The following FARP2 variants were observed in gnomAD, a reference collection of about 807,000 sequenced individuals.
FARP2 encodes FERM, ARHGEF and pleckstrin domain-containing protein 2.
FARP2 carries 111 observed loss-of-function variants against 130.5 expected under a neutral mutation model. The observed-to-expected ratio is 0.85, with a 90% confidence interval of 0.73 to 1.00. FARP2 has a LOEUF of 1.00. Among genes scored for constraint, FARP2 ranks in the 50% least tolerant of loss-of-function variants. The pLI is 0.00. For missense variants in FARP2, 1,385 were observed against 1,346.3 expected, an observed-to-expected ratio of 1.03 and a Z score of -0.45; for synonymous variants, 504 against 516.9, an observed-to-expected ratio of 0.98 and a Z score of 0.34.
intron 7 of FARP2, among the ~76,000 whole-genome samples, chr2:241,416,425 G>A (rs1300731814): frequency 6.6e-6 from 1 of 151,980 alleles, no homozygotes; most frequent in Non-Finnish European, 1.5e-5. Flanking sequence ...CCACAGCTTC[G>A]TTGCACATCT....
At chr2:241,428,686 A>G (rs1375668425) in intron 8 of FARP2, among the ~76,000 whole-genome samples, 2 of 151,886 alleles carry the variant, frequency 1.3e-5, no homozygotes, top group African/African-American at 2.4e-5. Flanking sequence ...GTTGAAGTAT[A>G]CAATTCAGTT....
At chr2:241,424,855 CTG>C (rs2062892711) in intron 8 of FARP2, among the ~76,000 whole-genome samples, 1 of 152,032 alleles carries the variant, frequency 6.6e-6, no homozygotes, top group Non-Finnish European at 1.5e-5. Context: ...CTAAAAGAAA[CTG>C]ATAAATTCCT....
intron 18 of FARP2, among the ~76,000 whole-genome samples, chr2:241,468,721 A>G (rs1159201355): frequency 1.3e-5 from 2 of 152,232 alleles, no homozygotes; most frequent in Admixed American, 1.3e-4. Context: ...AGCCCCCACA[A>G]GTGCACTGGG....
At position 241,463,383 on chromosome 2, in the gene FARP2, A is replaced by G; in HGVS notation, c.1726A>G (p.Met576Val). The G allele has an allele frequency of 6.2e-7, 1 of 1,614,134 alleles. No homozygotes were observed. Among genetic ancestry groups the G allele is most frequent in the Non-Finnish European group, 8.5e-7 (1 of 1,180,026 alleles). The change falls in exon 16 of 27, where the codon ATG becomes GTG. Residue 576 changes from methionine to valine, a missense_variant. Transcript: ENST00000264042. ...VKEDAMPATLMTLLFSNIDPI... is the reference protein window; with the variant it reads ...VKEDAMPATLVTLLFSNIDPI... Reference sequence around the variant, plus strand: ...GGAGGACGCCATGCCTGCGACTCTGATGACGCTGCTCTTCTCCAACATCGA... The same window carrying G: ...GGAGGACGCCATGCCTGCGACTCTGGTGACGCTGCTCTTCTCCAACATCGA...
chr2:241,473,518 C>T (rs1362287524), intron 18 of FARP2, among the ~76,000 whole-genome samples: 3 of 152,150 alleles, frequency 2.0e-5, no homozygotes, highest in African/African-American at 7.2e-5. Context: ...GCCATCAGGT[C>T]CAAAATGTGT....
chr2:241,441,604 G>C, intron 13 of FARP2, 48 bp downstream of exon 13: 1 of 1,613,188 alleles, frequency 6.2e-7, no homozygotes, highest in East Asian at 2.2e-5. Flanking sequence ...TGTCTGTGCT[G>C]GGGGGCAGAG....
In FARP2 at chr2:241,422,402, C is replaced by CAA. The variant is rs200942678; in HGVS notation, c.771+4303_771+4304dup. Reference sequence around the variant, plus strand: ...TGGGTGACAAAGTGAGACCCTGTATCAAAAAAAAAAACAGAAAACAACAAC... The same window carrying CAA: ...TGGGTGACAAAGTGAGACCCTGTATCAAAAAAAAAAAAACAGAAAACAACAAC... On this transcript the variant is annotated intron_variant, in intron 8 of 26. Transcript: ENST00000264042. Among the ~76,000 whole-genome samples the CAA allele has an allele frequency of 8.8e-5, 12 of 136,308 alleles. No homozygotes were observed. In the East Asian group the frequency reaches 1.9e-3, roughly 21 times the overall value. 89.4% of individuals were successfully genotyped at this position (136,308 alleles called of 152,430 possible). A position where few individuals can be genotyped will look rare whatever the true frequency, so the allele number is the denominator to read the frequency against.
At chr2:241,395,952 C>T (rs1442640335) in intron 2 of FARP2, 1 of 152,082 alleles carries the variant, frequency 6.6e-6, no homozygotes, top group Non-Finnish European at 1.5e-5. Context: ...TTCTGCCCTC[C>T]TGAAACATAT....
rs540393528 is a variant in FARP2, at chr2:241,475,156, G to A, written c.2132-701G>A. Among the ~76,000 whole-genome samples, 3 of 152,202 alleles carry A rather than the reference G, an allele frequency of 2.0e-5. No individual in the cohort carries two copies. The highest frequency in any genetic ancestry group is 4.4e-5 in the Non-Finnish European group (3 of 68,038). On this transcript the variant is annotated intron_variant, in intron 18 of 26. Coordinates refer to ENST00000264042, the MANE Select transcript of FARP2 (RefSeq NM_014808.4). The surrounding 1 kb of genome is among the most constrained non-coding windows in gnomAD (Gnocchi z 4.4). Reference sequence around the variant, plus strand: ...TACAATAAATCATTTTCCTTTAAGAGCAAATACTGCCTTACCCATAACATT... The same window carrying A: ...TACAATAAATCATTTTCCTTTAAGAACAAATACTGCCTTACCCATAACATT...
intron 12 of FARP2, among the ~76,000 whole-genome samples, chr2:241,438,838 G>A (rs1357274607): frequency 6.6e-6 from 1 of 151,640 alleles, no homozygotes; most frequent in African/African-American, 2.4e-5. Context: ...CACTGTGTTA[G>A]CCAGGATGGT....
At chr2:241,485,738 C>T (rs1178399656) in intron 21 of FARP2, among the ~76,000 whole-genome samples, 1 of 150,626 alleles carries the variant, frequency 6.6e-6, no homozygotes, top group Non-Finnish European at 1.5e-5. Context: ...TCCTGGGGTC[C>T]TCCTTTGCTC....
intron 18 of FARP2, among the ~76,000 whole-genome samples, chr2:241,474,243 T>C (rs372368201): frequency 2.3e-5 from 3 of 129,758 alleles, no homozygotes; most frequent in Admixed American, 1.0e-4. Context: ...GAGGCGGAGC[T>C]GAGCTTGCAG....
intron 14 of FARP2, among the ~76,000 whole-genome samples, chr2:241,457,971 G>T (rs530354314): frequency 2.6e-5 from 4 of 152,260 alleles, no homozygotes; most frequent in African/African-American, 9.6e-5. Flanking sequence ...TCCCCTATGG[G>T]TCTCTTTTTA....
intron 12 of FARP2, among the ~76,000 whole-genome samples, chr2:241,440,817 C>T (rs1307175190): frequency 2.0e-5 from 3 of 151,974 alleles, no homozygotes; most frequent in African/African-American, 7.3e-5. Context: ...AACGGGATTC[C>T]AGGAAGACGT....
At chr2:241,407,477 GAA>G in intron 4 of FARP2, 58 bp from the exon 5 acceptor site, 2 of 1,243,766 alleles carry the variant, frequency 1.6e-6, no homozygotes, top group Non-Finnish European at 2.4e-6. Context: ...AGTAATATAT[GAA>G]AAGAGAATAA....
rs988188843 is a variant in FARP2 at position 241,411,131 on chromosome 2, G to A, written c.508+1G>A. The A allele has an allele frequency of 1.9e-6, 3 of 1,603,324 alleles. No individual in the cohort carries two copies. The highest frequency in any genetic ancestry group is 1.7e-6 in the Non-Finnish European group (2 of 1,172,048). ...CTTCTCACGTCCCATCTCCTGCAGT[G>A]TGAGTATCTCCCCGCCAGCGGGGAG... On this transcript the variant is annotated splice_donor_variant, in intron 6 of 26. Coordinates refer to ENST00000264042, the MANE Select transcript of FARP2 (RefSeq NM_014808.4). LOFTEE classifies it high-confidence loss of function.
intron 5 of FARP2, among the ~76,000 whole-genome samples, chr2:241,409,313 G>A (rs141838943): frequency 4.2e-4 from 64 of 152,286 alleles, no homozygotes; most frequent in African/African-American, 1.3e-3. Flanking sequence ...ACTTCAGGAC[G>A]CCAAGGTGGG....
At chr2:241,479,796 G>A (rs1335921024) in intron 19 of FARP2, among the ~76,000 whole-genome samples, 1 of 152,212 alleles carries the variant, frequency 6.6e-6, no homozygotes, top group Non-Finnish European at 1.5e-5. Context: ...GTGCCATGTC[G>A]CTCCTGGCAT....
chr2:241,475,761 C>A lies in FARP2; in HGVS notation c.2132-96C>A. On this transcript the variant is annotated intron_variant, in intron 18 of 26. Coordinates refer to ENST00000264042, the MANE Select transcript of FARP2 (RefSeq NM_014808.4). This position sits in a 1 kb window ranked among gnomAD's most constrained non-coding sequence, Gnocchi z 4.4. ...TAGGATGTACCTCTAATTAGAACTG[C>A]CTTTTAGAATGCTGGTTCCTGTCAC... The A allele has an allele frequency of 8.7e-7, 1 of 1,148,434 alleles. No homozygotes were observed. Among genetic ancestry groups the A allele is most frequent in the Non-Finnish European group, 1.2e-6 (1 of 851,288 alleles). The allele number at this position is 1,148,434 out of a possible 1,614,324, so 71.1% of individuals were successfully genotyped here.
Sources: allele counts gnomAD v4.1 joint callset (sites outside exome capture counted in the v4.1 genomes callset), GRCh38; gene constraint gnomAD v4.1.1; non-coding constraint Gnocchi (gnomAD v3.1); transcripts MANE v1.5; gene names NCBI Gene and HGNC (gene_info 2026-07-23, HGNC 2026-07-21).